GARIN1A: variants seen among roughly 807,000 people sequenced by gnomAD.
The protein encoded by GARIN1A is Golgi-associated RAB2 interactor protein 1A.
the GARIN1A span, chr7:128,675,687 G>A: frequency 2.2e-5 from 35 of 1,613,510 alleles, no homozygotes; most frequent in East Asian, 3.6e-4. Flanking sequence ...CACTAAGCCC[G>A]GGAACTGGAG....
At chr7:128,678,048 C>A in the GARIN1A span, 1 of 279,120 alleles carries the variant, frequency 3.6e-6, no homozygotes, top group Admixed American at 5.7e-5. Context: ...TGAGACAGAG[C>A]CATGCCCTGT....
the GARIN1A span, among the ~76,000 whole-genome samples, chr7:128,696,417 A>G: frequency 6.6e-6 from 1 of 151,954 alleles, no homozygotes; most frequent in Non-Finnish European, 1.5e-5. Context: ...CATAATCTCT[A>G]TGTCCTCTTG....
At chr7:128,704,677 A>G in the GARIN1A span, among the ~76,000 whole-genome samples, 4 of 152,150 alleles carry the variant, frequency 2.6e-5, no homozygotes, top group African/African-American at 9.7e-5. Context: ...CACGCCTATG[A>G]GAATCTAACG....
chr7:128,678,984 C>T, the GARIN1A span, among the ~76,000 whole-genome samples: 1 of 148,910 alleles, frequency 6.7e-6, no homozygotes, highest in African/African-American at 2.5e-5. Flanking sequence ...ACATATGTAA[C>T]GATTGTTACA....
At chr7:128,696,164 C>T in the GARIN1A span, among the ~76,000 whole-genome samples, 3 of 151,884 alleles carry the variant, frequency 2.0e-5, no homozygotes, top group East Asian at 1.9e-4. Context: ...AGGTGAGCAA[C>T]GATGCCTGGC....
the GARIN1A span, chr7:128,684,742 G>T: frequency 2.0e-5 from 3 of 151,700 alleles, no homozygotes; most frequent in Admixed American, 2.0e-4. Flanking sequence ...GGAAGATATT[G>T]ACTGCCCATC....
the GARIN1A span, chr7:128,675,848 C>G: frequency 6.3e-7 from 1 of 1,586,814 alleles, no homozygotes; most frequent in African/African-American, 1.3e-5. Flanking sequence ...CCCCAGTCAT[C>G]AACCTCAGCA....
the GARIN1A span, among the ~76,000 whole-genome samples, chr7:128,702,588 A>G: frequency 1.3e-5 from 2 of 152,214 alleles, no homozygotes; most frequent in Admixed American, 1.3e-4. Flanking sequence ...GAATCATAAA[A>G]AATGATCAAT....
At chr7:128,706,177 C>A in the GARIN1A span, among the ~76,000 whole-genome samples, 2 of 152,206 alleles carry the variant, frequency 1.3e-5, no homozygotes, top group African/African-American at 2.4e-5. Context: ...CTTCTGCATT[C>A]TTTTGACTTG....
chr7:128,685,553 A>C, the GARIN1A span: 2 of 152,240 alleles, frequency 1.3e-5, no homozygotes, highest in African/African-American at 4.8e-5. Flanking sequence ...CAGAAAAGAC[A>C]TCTGAGTTAA....
the GARIN1A span, chr7:128,680,222 A>C: frequency 4.3e-5 from 33 of 768,150 alleles, no homozygotes; most frequent in Non-Finnish European, 6.2e-5. Flanking sequence ...AACCTATCTC[A>C]GTTCCTTCTT....
At chr7:128,678,018 T>A in the GARIN1A span, 1 of 96,532 alleles carries the variant, frequency 1.0e-5, no homozygotes, top group African/African-American at 4.3e-5. Flanking sequence ...AATGTTTCTT[T>A]TTTTTTTTTT....
chr7:128,698,773 G>A, the GARIN1A span, among the ~76,000 whole-genome samples: 5 of 152,084 alleles, frequency 3.3e-5, no homozygotes, highest in African/African-American at 4.8e-5. Flanking sequence ...TGGTAGAGAC[G>A]GGGTTTTGCT....
At chr7:128,692,408 G>A in the GARIN1A span, among the ~76,000 whole-genome samples, 1 of 152,182 alleles carries the variant, frequency 6.6e-6, no homozygotes. Flanking sequence ...CCTTGAAGTT[G>A]ATTTCTCAGA....
chr7:128,707,732 T>C, the GARIN1A span, among the ~76,000 whole-genome samples: 1 of 152,194 alleles, frequency 6.6e-6, no homozygotes, highest in Non-Finnish European at 1.5e-5. Flanking sequence ...GGATTACAGA[T>C]GTGAGCACCC....
the GARIN1A span, among the ~76,000 whole-genome samples, chr7:128,699,265 C>CG: frequency 5.1e-4 from 71 of 139,944 alleles, 4 homozygotes; most frequent in East Asian, 0.014. Flanking sequence ...CTGCTGCCCC[C>CG]CCCCCCCCAC....
At chr7:128,687,742 T>C in the GARIN1A span, 1 of 152,238 alleles carries the variant, frequency 6.6e-6, no homozygotes, top group East Asian at 1.9e-4. Context: ...TAAAAATTAC[T>C]GAGCCCTTCA....
the GARIN1A span, among the ~76,000 whole-genome samples, chr7:128,695,244 G>A: frequency 6.6e-6 from 1 of 152,290 alleles, no homozygotes; most frequent in African/African-American, 2.4e-5. This position sits in a 1 kb window ranked among gnomAD's most constrained non-coding sequence, Gnocchi z 4.5. Flanking sequence ...CAGAGGCTGG[G>A]AACCTCTATG....
the GARIN1A span, among the ~76,000 whole-genome samples, chr7:128,689,046 G>A: frequency 2.0e-5 from 3 of 151,762 alleles, no homozygotes; most frequent in African/African-American, 7.3e-5. Flanking sequence ...CGAGTGATCC[G>A]CCAGCCTCAG....
Sources: gnomAD v4.1 joint callset for allele counts (sites outside exome capture counted in the v4.1 genomes callset) on GRCh38, gnomAD v4.1.1 for gene constraint, Gnocchi (gnomAD v3.1) non-coding constraint, MANE v1.5 for transcripts, NCBI Gene and HGNC (gene_info 2026-07-23, HGNC 2026-07-21) for gene names.